Variants in SNRK observed in about 807,000 individuals in gnomAD.
The protein encoded by SNRK is SNF related kinase.
A neutral mutation model predicts 48.2 loss-of-function variants in SNRK; 3 were observed. The observed-to-expected ratio is 0.06, with a 90% CI of 0.03 to 0.16. The LOEUF (loss-of-function observed/expected upper bound fraction) is 0.16. Ranked by LOEUF, SNRK falls within the 10% of genes least tolerant of loss-of-function variation. SNRK has a pLI of 1.00. For synonymous variants in SNRK, 376 were observed against 366.1 expected, an observed-to-expected ratio of 1.03 and a Z score of -0.31; for missense variants, 627 against 976.0, an observed-to-expected ratio of 0.64 and a Z score of 4.76.
intron 1 of SNRK, among the ~76,000 whole-genome samples, chr3:43,295,837 C>T (rs1246965195): frequency 6.6e-6 from 1 of 152,152 alleles, no homozygotes; most frequent in Non-Finnish European, 1.5e-5. Context: ...CTCCTGTGGT[C>T]AAGCGATTCT....
At position 43,303,804 on chromosome 3, in the gene SNRK, C is replaced by G; in HGVS notation, c.589+12C>G. 6.3e-7 allele frequency: 1 copy of G among 1,576,076 alleles called. No homozygotes were observed. Among genetic ancestry groups the G allele is most frequent in the Non-Finnish European group, 8.7e-7 (1 of 1,148,798 alleles). On this transcript the variant is annotated intron_variant, in intron 3 of 6. Transcript: ENST00000296088. This position sits in a 1 kb window ranked among gnomAD's most constrained non-coding sequence, Gnocchi z 6.2. ...TGCACCTGCAGTAGGTAGGTAACCTCGGTCCAGTATTTGGCCATTTGAATT... is the reference window on the plus strand; with the variant it reads ...TGCACCTGCAGTAGGTAGGTAACCTGGGTCCAGTATTTGGCCATTTGAATT...
chr3:43,315,328 T>C (rs995818473), intron 3 of SNRK: 2 of 152,200 alleles, frequency 1.3e-5, no homozygotes, highest in African/African-American at 2.4e-5. Flanking sequence ...GAGATGCTAT[T>C]AATGTATTTA....
intron 4 of SNRK, chr3:43,332,511 G>A (rs1164088220): frequency 2.7e-6 from 1 of 374,564 alleles, no homozygotes; most frequent in Non-Finnish European, 4.7e-6. Context: ...CCCTGAATAT[G>A]ATCTGAAATT....
intron 3 of SNRK, among the ~76,000 whole-genome samples, chr3:43,310,405 C>T (rs777559402): frequency 6.6e-6 from 1 of 152,038 alleles, no homozygotes; most frequent in Admixed American, 6.5e-5. Context: ...ATTTCTCCTA[C>T]CCTACAAATA....
chr3:43,350,807 C>T lies in SNRK; in HGVS notation c.*2250C>T, dbSNP rs1370970324. On this transcript the variant is annotated 3_prime_UTR_variant, in exon 7 of 7. Transcript: ENST00000296088. ...TGTCTTCAAAAGTTGCATATAGTTA[C>T]AGTAGTGTATAAATTAAATATTGTG... is the stretch of plus-strand genomic sequence containing the variant. 1 of 152,570 alleles carries T rather than the reference C, an allele frequency of 6.6e-6. No homozygotes were observed. The highest frequency in any genetic ancestry group is 2.4e-5 in the African/African-American group (1 of 41,426). The allele number at this position is 152,570 out of a possible 1,614,324, so 9.5% of individuals were successfully genotyped here.
intron 3 of SNRK, among the ~76,000 whole-genome samples, chr3:43,331,166 A>G (rs969685665): frequency 3.3e-5 from 5 of 152,138 alleles, no homozygotes; most frequent in African/African-American, 1.2e-4. Flanking sequence ...TGTGGTCTAG[A>G]ATACTTCTTG....
intron 2 of SNRK, among the ~76,000 whole-genome samples, chr3:43,301,764 C>T (rs1415907721): frequency 6.6e-6 from 1 of 152,092 alleles, no homozygotes; most frequent in African/African-American, 2.4e-5. Context: ...GAAAAAGCTT[C>T]GTCAAAGGGA....
chr3:43,302,789 ATGTT>A lies in SNRK; in HGVS notation c.-106-303_-106-300del, dbSNP rs542417652. Reference sequence around the variant, plus strand: ...AAGACACTAAAATTCCTTTTAGAAAATGTTTGTTTTTTAAACATGCTTATCAAAC... The same window carrying A: ...AAGACACTAAAATTCCTTTTAGAAAATGTTTTTTAAACATGCTTATCAAAC... On this transcript the variant is annotated intron_variant, in intron 2 of 6. Coordinates refer to ENST00000296088, the MANE Select transcript of SNRK (RefSeq NM_017719.5). Among the ~76,000 whole-genome samples the A allele has an allele frequency of 2.1e-4, 32 of 152,232 alleles. 1 individual carries two copies. The South Asian group carries it at 6.4e-3, about 31-fold the overall frequency.
chr3:43,314,037 T>C (rs1299365791), intron 3 of SNRK, among the ~76,000 whole-genome samples: 1 of 152,230 alleles, frequency 6.6e-6, no homozygotes, highest in African/African-American at 2.4e-5. Flanking sequence ...TTCAAATGCA[T>C]TCTAACAAAT....
Position 43,340,397 on chromosome 3 carries a change from A to C in SNRK, c.842A>C (p.Asn281Thr), listed in dbSNP as rs779174593. Residue 281 changes from asparagine to threonine, a missense_variant, in exon 5 of 7, where the codon AAC (asparagine) becomes ACC (threonine). By Grantham distance (65) the Asn-to-Thr change is moderately conservative. This residue lies in a region of SNRK where 147 missense variants were observed against 356.8 expected (regional missense o/e 0.41). Coordinates refer to ENST00000296088, the MANE Select transcript of SNRK (RefSeq NM_017719.5). ...GACCCTTCACCAGCTACAAAGTATA[A>C]CATTCCCCTTGTGTCATACAAAAAT... ...GVDPSPATKY[N>T]IPLVSYKNLS... The C allele has an allele frequency of 7.4e-6, 12 of 1,614,048 alleles. No individual in the cohort carries two copies. The South Asian group carries it at 1.3e-4, about 18-fold the overall frequency.
In SNRK at chr3:43,348,858, T is replaced by C. The variant is rs2091300673; in HGVS notation, c.*301T>C. 2 of 254,132 alleles carry C rather than the reference T, an allele frequency of 7.9e-6. No homozygotes were observed. Among genetic ancestry groups the C allele is most frequent in the South Asian group, 1.6e-4 (1 of 6,382 alleles). 15.7% of individuals were successfully genotyped at this position (254,132 alleles called of 1,614,324 possible). A position where few individuals can be genotyped will look rare whatever the true frequency, so the allele number is the denominator to read the frequency against. ...TCTTATAAATGGAGCACTTAGAAAT[T>C]TGTTGTTCTGCACTTAACCTAGAGA... On this transcript the variant is annotated 3_prime_UTR_variant, in exon 7 of 7. Transcript: ENST00000296088.
At chr3:43,346,146 G>A (rs2091274023) in intron 6 of SNRK, among the ~76,000 whole-genome samples, 1 of 152,194 alleles carries the variant, frequency 6.6e-6, no homozygotes, top group Non-Finnish European at 1.5e-5. Flanking sequence ...CCCATAAGCA[G>A]GACGTGGCCA....
At chr3:43,325,689 A>G (rs1437917016) in intron 3 of SNRK, among the ~76,000 whole-genome samples, 5 of 152,196 alleles carry the variant, frequency 3.3e-5, no homozygotes, top group Non-Finnish European at 5.9e-5. Context: ...TAACCATATA[A>G]TAAGCCTAAA....
intron 3 of SNRK, among the ~76,000 whole-genome samples, chr3:43,328,040 G>C (rs916669100): frequency 6.6e-6 from 1 of 151,392 alleles, no homozygotes; most frequent in Admixed American, 6.6e-5. Flanking sequence ...CTATAGCTGG[G>C]TCTGAAATAA....
At chr3:43,326,419 T>A (rs1301966333) in intron 3 of SNRK, among the ~76,000 whole-genome samples, 1 of 152,066 alleles carries the variant, frequency 6.6e-6, no homozygotes, top group Admixed American at 6.5e-5. Context: ...AGCAAACTTG[T>A]GTTGAGCAGG....
chr3:43,337,704 C>A (rs979169745), intron 4 of SNRK, among the ~76,000 whole-genome samples: 6 of 152,230 alleles, frequency 3.9e-5, no homozygotes, highest in African/African-American at 1.4e-4. Context: ...GAAACACAGT[C>A]ATGGCAGAAA....
chr3:43,337,475 C>T (rs1436656758), intron 4 of SNRK, among the ~76,000 whole-genome samples: 1 of 151,894 alleles, frequency 6.6e-6, no homozygotes, highest in African/African-American at 2.4e-5. Context: ...GGCTGGAATG[C>T]CTCAGTGCAA....
chr3:43,300,791 A>C (rs563519241), intron 2 of SNRK, among the ~76,000 whole-genome samples: 6 of 152,224 alleles, frequency 3.9e-5, no homozygotes, highest in Admixed American at 1.3e-4. Flanking sequence ...GCTTCCCCCC[A>C]CACACACCTA....
Position 43,348,164 on chromosome 3 carries a change from G to A in SNRK, c.1905G>A (p.Leu635=). 1 of 1,585,850 alleles carries A rather than the reference G, an allele frequency of 6.3e-7. No homozygotes were observed. The change falls in exon 7 of 7, where the codon CTG becomes CTA. Residue 635 remains leucine, a synonymous_variant. Coordinates refer to ENST00000296088, the MANE Select transcript of SNRK (RefSeq NM_017719.5). ...CCGGCCCCAGCAACTCCATGCAGCTGGCCTCTCGCAGTGCTGGGGAGCTCG... is the reference window on the plus strand; with the variant it reads ...CCGGCCCCAGCAACTCCATGCAGCTAGCCTCTCGCAGTGCTGGGGAGCTCG... ...RCAGPSNSMQ[L]ASRSAGELVE... is the part of the protein sequence containing the mutation.
Sources: gnomAD v4.1 joint callset for allele counts (sites outside exome capture counted in the v4.1 genomes callset) on GRCh38, gnomAD v4.1.1 for gene constraint, gnomAD v4.1.1 regional missense constraint, Gnocchi (gnomAD v3.1) non-coding constraint, MANE v1.5 for transcripts, NCBI Gene and HGNC (gene_info 2026-07-23, HGNC 2026-07-21) for gene names.